IAH1: variants seen among roughly 807,000 people sequenced by gnomAD.
IAH1 encodes isoamyl acetate-hydrolyzing esterase 1 homolog.
Under a neutral mutation model 26.7 loss-of-function variants are expected in IAH1, and 24 were observed. That is an observed-to-expected ratio of 0.90 (90% CI 0.65 to 1.26). The LOEUF (loss-of-function observed/expected upper bound fraction) is 1.26. IAH1 is among the 50% of genes most tolerant of loss of function. The pLI is 0.00. For synonymous variants in IAH1, 140 were observed against 118.5 expected (o/e 1.18, Z -1.18); for missense variants, 300 against 299.9 (o/e 1.00, Z 0.00).
At chr2:9,505,606 C>G in the IAH1 span, 8 of 505,078 alleles carry the variant, frequency 1.6e-5, no homozygotes, top group East Asian at 2.5e-4. Context: ...ATTCTTCTTA[C>G]GAAGGTAAGC....
At chr2:9,491,163 C>CA, downstream of IAH1, 1 of 1,610,934 alleles carries the variant, frequency 6.2e-7, no homozygotes, top group Non-Finnish European at 8.5e-7. Context: ...TAGAAAGAAA[C>CA]AGCAAGAAGG....
downstream of IAH1, among the ~76,000 whole-genome samples, chr2:9,492,274 T>A (rs1260612851): frequency 1.3e-5 from 2 of 152,318 alleles, no homozygotes; most frequent in East Asian, 3.9e-4. Flanking sequence ...TGCAAGTGAA[T>A]GGATTCGTAA....
the IAH1 span, chr2:9,502,375 G>A: frequency 2.9e-6 from 3 of 1,037,788 alleles, no homozygotes; most frequent in Non-Finnish European, 4.3e-6. Flanking sequence ...AGATCACCGG[G>A]GAAGACCTCC....
intron 5 of IAH1, chr2:9,485,970 C>G (rs2124925980): frequency 6.6e-6 from 1 of 152,308 alleles, no homozygotes; most frequent in South Asian, 2.1e-4. Context: ...CGGGAAGACT[C>G]ACAGCCTCAC....
In IAH1 at chr2:9,489,346, G is replaced by C. The variant is rs1661890705; in HGVS notation, c.*1017G>C. On this transcript the variant is annotated 3_prime_UTR_variant, in exon 6 of 6. Coordinates refer to ENST00000497473, the MANE Select transcript of IAH1 (RefSeq NM_001039613.3). ...AGTGGCGCAACCTCAGCCTCTCCAA[G>C]TGCTGGGATTACAGGCATGAGCCAC... 7.1e-6 allele frequency: 1 copy of C among 141,716 alleles called. No individual in the cohort carries two copies. Among genetic ancestry groups the C allele is most frequent in the African/African-American group, 2.7e-5 (1 of 36,474 alleles). 8.8% of individuals were successfully genotyped at this position (141,716 alleles called of 1,614,324 possible). A position where few individuals can be genotyped will look rare whatever the true frequency, so the allele number is the denominator to read the frequency against.
intron 4 of IAH1, among the ~76,000 whole-genome samples, chr2:9,481,670 G>A (rs1661181281): frequency 6.6e-6 from 1 of 152,178 alleles, no homozygotes; most frequent in Non-Finnish European, 1.5e-5. Context: ...ATAGTCAGGA[G>A]GGAACCGCGG....
intron 3 of IAH1, among the ~76,000 whole-genome samples, chr2:9,480,296 A>G (rs899044333): frequency 1.6e-4 from 25 of 152,124 alleles, no homozygotes; most frequent in African/African-American, 5.8e-4. Context: ...CCAGGCCAGG[A>G]GTTTGAGACC....
chr2:9,476,104 G>C (rs1660773060), intron 2 of IAH1, 65 bp downstream of exon 2: 1 of 1,363,634 alleles, frequency 7.3e-7, no homozygotes, highest in Admixed American at 1.7e-5. Context: ...CCGTCTTATG[G>C]ATGAAGGATA....
upstream of IAH1, chr2:9,474,443 C>T (rs1682345403): frequency 4.0e-6 from 2 of 498,312 alleles, no homozygotes; most frequent in South Asian, 6.9e-5. The surrounding 1 kb of genome is among the most constrained non-coding windows in gnomAD (Gnocchi z 4.3). Flanking sequence ...GGGGCAACGA[C>T]CTTCGCGCGT....
At chr2:9,484,186 C>A (rs962980671) in intron 4 of IAH1, among the ~76,000 whole-genome samples, 1 of 152,192 alleles carries the variant, frequency 6.6e-6, no homozygotes, top group African/African-American at 2.4e-5. Flanking sequence ...TCCTCCCTGG[C>A]GCCTCAGAAG....
chr2:9,483,532 G>C (rs1661302451), intron 4 of IAH1, among the ~76,000 whole-genome samples: 1 of 152,192 alleles, frequency 6.6e-6, no homozygotes, highest in South Asian at 2.1e-4. Context: ...TGTAGAGCCT[G>C]GGCCAGCATA....
chr2:9,502,362 T>C, the IAH1 span: 6 of 1,178,522 alleles, frequency 5.1e-6, no homozygotes, highest in East Asian at 4.7e-5. Context: ...TACAGTGACC[T>C]GAAGATCACC....
intron 1 of IAH1, 81 bp from the exon 2 acceptor site, chr2:9,475,906 A>G (rs7591166): frequency 0.54 from 657,594 of 1,222,104 alleles, 187,354 homozygotes; most frequent in Middle Eastern, 0.64. Flanking sequence ...CCGAGAAAAC[A>G]GAAGTTGCCA....
At chr2:9,502,129 A>G in the IAH1 span, 2 of 1,514,030 alleles carry the variant, frequency 1.3e-6, no homozygotes, top group African/African-American at 1.4e-5. Context: ...AGACACACAC[A>G]CACTTGACCC....
chr2:9,475,098 G>A, intron 1 of IAH1: 1 of 1,257,718 alleles, frequency 8.0e-7, no homozygotes, highest in Non-Finnish European at 1.0e-6. Flanking sequence ...GCGGGCACAG[G>A]TGGGGCCGTT....
At chr2:9,504,863 G>A in the IAH1 span, among the ~76,000 whole-genome samples, 1 of 151,848 alleles carries the variant, frequency 6.6e-6, no homozygotes, top group East Asian at 1.9e-4. Context: ...CTGCTTTCCA[G>A]AAAGCTTCTT....
chr2:9,493,688 C>A, downstream of IAH1: 1 of 1,455,674 alleles, frequency 6.9e-7, no homozygotes, highest in East Asian at 2.3e-5. Flanking sequence ...GCACACTTTT[C>A]TAATGTCATC....
exon 7 of IAH1, chr2:9,496,437 T>A (rs1180019835): frequency 1.3e-5 from 2 of 152,232 alleles, no homozygotes; most frequent in African/African-American, 4.8e-5. Flanking sequence ...GCTCTCTGTC[T>A]ATTTTGAAAG....
intron 5 of IAH1, chr2:9,485,966 G>C (rs903061629): frequency 6.6e-6 from 1 of 152,238 alleles, no homozygotes; most frequent in Non-Finnish European, 1.5e-5. Context: ...CAAACGGGAA[G>C]ACTCACAGCC....
Sources: allele counts gnomAD v4.1 joint callset (sites outside exome capture counted in the v4.1 genomes callset), GRCh38; gene constraint gnomAD v4.1.1; non-coding constraint Gnocchi (gnomAD v3.1); transcripts MANE v1.5; gene names NCBI Gene and HGNC (gene_info 2026-07-23, HGNC 2026-07-21).